RAD52: variants seen among roughly 807,000 people sequenced by gnomAD.
RAD52 encodes DNA repair protein RAD52 homolog.
RAD52 carries 47 observed loss-of-function variants against 55.5 expected under a neutral mutation model. The observed-to-expected ratio is 0.85, with a 90% confidence interval of 0.67 to 1.08. The LOEUF is 1.08. RAD52 is among the 50% of genes least tolerant of loss of function. The pLI is 0.00. For missense variants in RAD52, 468 were observed against 522.8 expected, an observed-to-expected ratio of 0.90 and a Z score of 1.02; for synonymous variants, 184 against 198.9, an observed-to-expected ratio of 0.92 and a Z score of 0.63.
At chr12:930,838 G>T (rs1271333359) in intron 3 of RAD52, among the ~76,000 whole-genome samples, 1 of 151,968 alleles carries the variant, frequency 6.6e-6, no homozygotes, top group African/African-American at 2.4e-5. Context: ...GTGGTGGCGT[G>T]TGCCTGTAGT....
At chr12:967,359 G>C (rs1396260115) in intron 1 of RAD52, among the ~76,000 whole-genome samples, 1 of 144,392 alleles carries the variant, frequency 6.9e-6, no homozygotes, top group Admixed American at 7.1e-5. Context: ...TCCAGCCTGG[G>C]TGACAGAGCA....
At chr12:945,954 C>T (rs1013849358) in intron 1 of RAD52, among the ~76,000 whole-genome samples, 18 of 151,690 alleles carry the variant, frequency 1.2e-4, no homozygotes, top group African/African-American at 3.9e-4. Flanking sequence ...ACCTGGGAGA[C>T]GGAGGTTGCA....
At chr12:981,568 G>A (rs1300347975) in intron 1 of RAD52, among the ~76,000 whole-genome samples, 2 of 151,880 alleles carry the variant, frequency 1.3e-5, no homozygotes, top group Non-Finnish European at 2.9e-5. Flanking sequence ...CAGGGACATG[G>A]GGACATGGGT....
chr12:913,620 C>T (rs1488582329), intron 11 of RAD52, among the ~76,000 whole-genome samples, 168 bp from the exon 12 acceptor site: 2 of 152,212 alleles, frequency 1.3e-5, no homozygotes, highest in Non-Finnish European at 1.5e-5. Context: ...GCCTCGTGCT[C>T]ATGACAGACC....
chr12:953,561 A>G (rs931922377), upstream of RAD52, among the ~76,000 whole-genome samples: 1 of 152,218 alleles, frequency 6.6e-6, no homozygotes, highest in Non-Finnish European at 1.5e-5. Flanking sequence ...ACGAAGGGAC[A>G]TACATGAACA....
Position 970,782 on chromosome 12 carries a change from C to T in RAD52, c.-19+19027G>A, listed in dbSNP as rs529795585. On this transcript the variant is annotated intron_variant, in intron 1 of 11. Transcript: ENST00000430095. ...TATCTGAAGAAAGTGAACCAACAAC[C>T]GAGCTATTTTGGGTAGGGTATCACA... is the stretch of plus-strand genomic sequence containing the variant. 1.1e-4 allele frequency among the ~76,000 whole-genome samples: 16 copies of T among 152,190 alleles called. No homozygotes were observed. In the East Asian group the frequency reaches 2.1e-3, roughly 20 times the overall value.
rs578169017 is a variant in RAD52, at chr12:956,643, C to T, written c.-18-23567G>A. 3.3e-5 allele frequency among the ~76,000 whole-genome samples: 5 copies of T among 152,228 alleles called. No individual in the cohort carries two copies. The South Asian group carries it at 1.0e-3, about 32-fold the overall frequency. On this transcript the variant is annotated intron_variant, in intron 1 of 11. Transcript: ENST00000430095. ...CTCACTGCAACCTCCGTCTCCCGGG[C>T]TCAAGCGATCTTCCTGCCTCAGCCT... is the stretch of plus-strand genomic sequence containing the variant.
chr12:916,841 C>T (rs1413723459), intron 7 of RAD52, 21 bp from the exon 8 acceptor site: 1 of 1,587,470 alleles, frequency 6.3e-7, no homozygotes, highest in East Asian at 2.3e-5. Context: ...AGAAGAAAAA[C>T]AAATTCCTTC....
chr12:916,929 T>G, intron 7 of RAD52, 109 bp from the exon 8 acceptor site: 1 of 1,443,744 alleles, frequency 6.9e-7, no homozygotes, highest in Non-Finnish European at 9.3e-7. Context: ...ACATCCTCCA[T>G]CCATCACGCC....
intron 5 of RAD52, chr12:929,591 T>C: frequency 6.8e-6 from 5 of 731,686 alleles, no homozygotes; most frequent in South Asian, 1.4e-5. Context: ...TTTTTATATA[T>C]GGTGAAAACT....
chr12:918,921 G>A (rs994241518), intron 7 of RAD52, among the ~76,000 whole-genome samples: 9 of 151,934 alleles, frequency 5.9e-5, no homozygotes, highest in African/African-American at 1.2e-4. Flanking sequence ...TTCATACTTC[G>A]GTCAATTTTC....
chr12:951,395 A>T (rs1958524215), upstream of RAD52, among the ~76,000 whole-genome samples: 1 of 152,226 alleles, frequency 6.6e-6, no homozygotes, highest in Non-Finnish European at 1.5e-5. Flanking sequence ...TACAGGTGTA[A>T]ACCAGTGCAC....
intron 6 of RAD52, 199 bp downstream of exon 6, chr12:926,946 C>A: frequency 6.5e-7 from 1 of 1,540,156 alleles, no homozygotes; most frequent in Non-Finnish European, 8.7e-7. Context: ...GCAAGGGAAG[C>A]CTGAAACAGA....
At chr12:914,249 C>T (rs1956239597) in intron 10 of RAD52, 128 bp from the exon 11 acceptor site, 1 of 1,277,868 alleles carries the variant, frequency 7.8e-7, no homozygotes, top group Non-Finnish European at 1.1e-6. Flanking sequence ...AATTTCTCTC[C>T]CCTCCCCCTA....
chr12:941,139 A>C (rs1291716171), intron 1 of RAD52, among the ~76,000 whole-genome samples: 1 of 152,228 alleles, frequency 6.6e-6, no homozygotes, highest in Non-Finnish European at 1.5e-5. Flanking sequence ...AAACTGCTAA[A>C]AAACAAAAAT....
Position 931,233 on chromosome 12 carries a change from C to A in RAD52, c.173G>T (p.Gly58Val). Reference protein sequence around the residue: ...GPEYISSRMAGGGQKVCYIEG... With the variant: ...GPEYISSRMAVGGQKVCYIEG... ...GAATTCTCCTACCTTCTGGCCTCCG[C>A]CAGCCATGCGGCTACTTATGTATTC... is the stretch of plus-strand genomic sequence containing the variant. The change falls in exon 3 of 12, where the codon GGC becomes GTC. Residue 58 changes from glycine to valine, a missense_variant. Physicochemically the swap from Gly to Val is moderately radical, Grantham distance 109 (BLOSUM62 -3). Coordinates refer to ENST00000358495, the MANE Select transcript of RAD52 (RefSeq NM_134424.4). 6.2e-7 allele frequency: 1 copy of A among 1,612,232 alleles called. No homozygotes were observed. The highest frequency in any genetic ancestry group is 8.5e-7 in the Non-Finnish European group (1 of 1,179,476).
chr12:913,622 T>G (rs906634568), intron 11 of RAD52, among the ~76,000 whole-genome samples, 170 bp from the exon 12 acceptor site: 1 of 152,234 alleles, frequency 6.6e-6, no homozygotes, highest in Admixed American at 6.5e-5. Context: ...CTCGTGCTCA[T>G]GACAGACCTG....
rs181475419 is a variant in RAD52 at position 973,725 on chromosome 12, C to T, written c.-19+16084G>A. 4.5e-3 allele frequency among the ~76,000 whole-genome samples: 681 copies of T among 151,474 alleles called. 4 individuals are homozygous for T. Among genetic ancestry groups the T allele is most frequent in the South Asian group, 9.2e-3 (44 of 4,770 alleles). On this transcript the variant is annotated intron_variant, in intron 1 of 11. Transcript: ENST00000430095. ...AACTCCTGGGCTCAAGTGATCTGCC[C>T]GCCTCGGCCTCCCAAAATGTTCGGA...
intron 1 of RAD52, among the ~76,000 whole-genome samples, chr12:963,181 A>G (rs1958711229): frequency 6.6e-6 from 1 of 152,176 alleles, no homozygotes. Context: ...TGTGAAAAGT[A>G]TGGGTGGTTT....
Sources: allele counts gnomAD v4.1 joint callset (sites outside exome capture counted in the v4.1 genomes callset), GRCh38; gene constraint gnomAD v4.1.1; transcripts MANE v1.5; gene names NCBI Gene and HGNC (gene_info 2026-07-23, HGNC 2026-07-21).